NUP214: variants seen among roughly 807,000 people sequenced by gnomAD.
NUP214 encodes the protein nucleoporin 214.
In NUP214, 79 loss-of-function variants were observed where a neutral mutation model predicts 196.2. The ratio of observed to expected loss-of-function variants is 0.40; its 90% CI spans 0.34 to 0.49. The LOEUF (loss-of-function observed/expected upper bound fraction) is 0.49, where lower values mean the gene tolerates loss of function less well. Among genes scored for constraint, NUP214 ranks in the 20% least tolerant of loss-of-function variants. The pLI, the probability that NUP214 is intolerant of heterozygous loss-of-function variation, is 0.58. For synonymous variants in NUP214, 1,020 were observed against 990.5 expected (o/e 1.03, Z -0.56); for missense variants, 2,468 against 2,539.0 (o/e 0.97, Z 0.60).
At position 131,232,683 on chromosome 9, in the gene NUP214, C is replaced by T. The variant is rs575832111; in HGVS notation, c.6239+375C>T. The T allele has an allele frequency of 6.1e-6, 2 of 327,168 alleles. No homozygotes were observed. Among genetic ancestry groups the T allele is most frequent in the African/African-American group, 4.3e-5 (2 of 47,046 alleles). The allele number at this position is 327,168 out of a possible 1,614,324, so 20.3% of individuals were successfully genotyped here. A position where few individuals can be genotyped will look rare whatever the true frequency, so the allele number is the denominator to read the frequency against. On this transcript the variant is annotated intron_variant, in intron 35 of 35. Coordinates refer to ENST00000359428, the MANE Select transcript of NUP214 (RefSeq NM_005085.4). This position sits in a 1 kb window ranked among gnomAD's most constrained non-coding sequence, Gnocchi z 5.1. Reference sequence around the variant, plus strand: ...CACCAGGTCTCATGTGTTGATCCACCCTCTGTGCTTCTGTGTAAAATTTCA... The same window carrying T: ...CACCAGGTCTCATGTGTTGATCCACTCTCTGTGCTTCTGTGTAAAATTTCA...
chr9:131,137,360 A>G (rs1205870686), intron 9 of NUP214, among the ~76,000 whole-genome samples: 1 of 152,130 alleles, frequency 6.6e-6, no homozygotes, highest in Non-Finnish European at 1.5e-5. Flanking sequence ...CCCTAAAGAA[A>G]AATCTGCTTT....
At chr9:131,212,097 T>A (rs886065581) in intron 30 of NUP214, among the ~76,000 whole-genome samples, 1 of 152,176 alleles carries the variant, frequency 6.6e-6, no homozygotes, top group Admixed American at 6.5e-5. Flanking sequence ...TCTAGGAGTG[T>A]CTGTCTTACA....
intron 24 of NUP214, among the ~76,000 whole-genome samples, chr9:131,185,763 T>G (rs1833434294): frequency 6.6e-6 from 1 of 152,210 alleles, no homozygotes; most frequent in East Asian, 1.9e-4. Flanking sequence ...ACAGCATTTC[T>G]TTGCAGGGGT....
At chr9:131,139,221 C>T (rs1831831801) in intron 9 of NUP214, 60 bp from the exon 10 acceptor site, 1 of 1,422,194 alleles carries the variant, frequency 7.0e-7, no homozygotes, top group Non-Finnish European at 9.1e-7. Flanking sequence ...AAAGCTCTAA[C>T]CAACATGGCT....
chr9:131,132,683 G>T, intron 6 of NUP214, 24 bp downstream of exon 6: 1 of 1,593,332 alleles, frequency 6.3e-7, no homozygotes, highest in Non-Finnish European at 8.6e-7. Context: ...TTCTTATTGG[G>T]CTGACCTCTA....
In NUP214 at chr9:131,150,348, G is replaced by A. The variant is rs1588133350; in HGVS notation, c.2065G>A (p.Ala689Thr). ...PQAKSLQPAV[A>T]EKQGHQWKDS... Reference sequence around the variant, plus strand: ...GGCAAAGTCACTTCAGCCTGCTGTTGCAGAAAAGCAGGGACATCAGTGGAA... The same window carrying A: ...GGCAAAGTCACTTCAGCCTGCTGTTACAGAAAAGCAGGGACATCAGTGGAA... Residue 689 changes from alanine (A) to threonine (T), a missense_variant, in exon 15 of 36, where the codon GCA becomes ACA. By Grantham distance (58) the Ala-to-Thr change is moderately conservative. Transcript: ENST00000359428. 6.2e-7 allele frequency: 1 copy of A among 1,614,158 alleles called. No individual in the cohort carries two copies. The highest frequency in any genetic ancestry group is 8.5e-7 in the Non-Finnish European group (1 of 1,180,004).
intron 32 of NUP214, among the ~76,000 whole-genome samples, chr9:131,224,451 C>G (rs565722403): frequency 6.6e-6 from 1 of 152,184 alleles, no homozygotes; most frequent in East Asian, 1.9e-4. Context: ...AAAGCAAACT[C>G]CCCCTGGGTA....
chr9:131,216,601 C>T (rs573837839), intron 31 of NUP214, among the ~76,000 whole-genome samples: 1 of 147,940 alleles, frequency 6.8e-6, no homozygotes, highest in South Asian at 2.1e-4. Context: ...GGTGCAATCT[C>T]GGCTCACTGC....
intron 24 of NUP214, among the ~76,000 whole-genome samples, chr9:131,182,263 TA>T (rs1332928001): frequency 6.6e-6 from 1 of 152,208 alleles, no homozygotes; most frequent in African/African-American, 2.4e-5. Flanking sequence ...TCTTATAGAT[TA>T]GGGGTCCCCA....
intron 26 of NUP214, among the ~76,000 whole-genome samples, chr9:131,189,436 C>T (rs563438313): frequency 6.6e-6 from 1 of 152,260 alleles, no homozygotes; most frequent in South Asian, 2.1e-4. Flanking sequence ...TAAAATGGAG[C>T]AATAGTATTA....
At position 131,215,377 on chromosome 9, in the gene NUP214, A is replaced by G; in HGVS notation, c.5749+9A>G. 6.3e-7 allele frequency: 1 copy of G among 1,580,542 alleles called. No individual in the cohort carries two copies. The highest frequency in any genetic ancestry group is 8.6e-7 in the Non-Finnish European group (1 of 1,164,422). ...ATCCACAGCTACCTCAAGTAAGTTG[A>G]GAAGACTTTTCCCAGTCCCTTGGTC... On this transcript the variant is annotated intron_variant, in intron 31 of 35. Transcript: ENST00000359428.
chr9:131,212,607 C>T (rs1834276660), intron 30 of NUP214, among the ~76,000 whole-genome samples: 1 of 152,202 alleles, frequency 6.6e-6, no homozygotes, highest in Non-Finnish European at 1.5e-5. Flanking sequence ...TAGCCATCCT[C>T]AGCCCTCTGT....
At chr9:131,208,081 G>A (rs913599842) in intron 30 of NUP214, among the ~76,000 whole-genome samples, 1 of 152,172 alleles carries the variant, frequency 6.6e-6, no homozygotes, top group East Asian at 1.9e-4. Flanking sequence ...AAAATAACCA[G>A]TGTTAGCAAT....
At chr9:131,129,749 A>G (rs140475022) in intron 4 of NUP214, among the ~76,000 whole-genome samples, 8 of 152,104 alleles carry the variant, frequency 5.3e-5, no homozygotes, top group African/African-American at 1.2e-4. Flanking sequence ...GATTATAGAC[A>G]TGCGCCACCA....
At chr9:131,205,536 A>G (rs1020617545) in intron 30 of NUP214, among the ~76,000 whole-genome samples, 1 of 152,260 alleles carries the variant, frequency 6.6e-6, no homozygotes, top group African/African-American at 2.4e-5. Context: ...TATTGATAAG[A>G]ATGTTCACAG....
At chr9:131,133,266 C>T in intron 7 of NUP214, 57 bp downstream of exon 7, 8 of 1,067,270 alleles carry the variant, frequency 7.5e-6, no homozygotes, top group South Asian at 5.8e-5. Flanking sequence ...TCTAATAAAG[C>T]TGGAGGCTTT....
chr9:131,150,395 T>C lies in NUP214; in HGVS notation c.2112T>C (p.Ala704=). Residue 704 remains alanine (A), a synonymous_variant, in exon 15 of 36, where the codon GCT becomes GCC. Coordinates refer to ENST00000359428, the MANE Select transcript of NUP214 (RefSeq NM_005085.4). ...HQWKDSDPVM[A]GIGEEIAHFQ... ...GGAAAGATTCAGATCCTGTAATGGC[T>C]GGAATTGGGGAGGAGGTAAATTTGT... is the stretch of plus-strand genomic sequence containing the variant. The C allele has an allele frequency of 6.2e-7, 1 of 1,614,160 alleles. No individual in the cohort carries two copies. Among genetic ancestry groups the C allele is most frequent in the Non-Finnish European group, 8.5e-7 (1 of 1,179,980 alleles).
intron 9 of NUP214, among the ~76,000 whole-genome samples, chr9:131,137,979 A>G (rs547963103): frequency 6.6e-6 from 1 of 152,328 alleles, no homozygotes; most frequent in East Asian, 1.9e-4. Flanking sequence ...CTACAATGAT[A>G]AGTCATCTTT....
chr9:131,229,898 G>T, intron 33 of NUP214: 1 of 400,284 alleles, frequency 2.5e-6, no homozygotes, highest in Admixed American at 3.1e-5. Context: ...GCCCCCAGGT[G>T]CTGCCCCTTC....
Sources: allele counts gnomAD v4.1 joint callset (sites outside exome capture counted in the v4.1 genomes callset), GRCh38; gene constraint gnomAD v4.1.1; non-coding constraint Gnocchi (gnomAD v3.1); transcripts MANE v1.5; gene names NCBI Gene and HGNC (gene_info 2026-07-23, HGNC 2026-07-21).